The following ANKS1B variants were observed in gnomAD, a reference collection of about 807,000 sequenced individuals.
ANKS1B encodes the protein ankyrin repeat and sterile alpha motif domain containing 1B.
Under a neutral mutation model 148.3 loss-of-function variants are expected in ANKS1B, and 36 were observed. The ratio of observed to expected loss-of-function variants is 0.24; its 90% confidence interval spans 0.19 to 0.32. The LOEUF is 0.32. Among genes scored for constraint, ANKS1B ranks in the 10% least tolerant of loss-of-function variants. The probability of loss-of-function intolerance (pLI) is 1.00; values close to 1 mark genes in which losing one functional copy is unlikely to be tolerated. For missense variants in ANKS1B, 1,157 were observed against 1,542.6 expected (o/e 0.75, Z 4.19); for synonymous variants, 542 against 560.8 (o/e 0.97, Z 0.47).
chr12:99,428,825 G>C (rs192410104), intron 11 of ANKS1B, among the ~76,000 whole-genome samples: 97 of 152,220 alleles, frequency 6.4e-4, no homozygotes, highest in Admixed American at 1.3e-3. Context: ...AGAAATAGCT[G>C]ATTCCACATC....
chr12:98,943,056 G>A lies in ANKS1B; in HGVS notation c.2778+110101C>T, dbSNP rs113772441. On this transcript the variant is annotated intron_variant, in intron 17 of 26. Transcript: ENST00000683438. Reference sequence around the variant, plus strand: ...AATAAGAATCTGCCTACGTGTGAAAGGCAAATACAATTCCTGTTTCCTTTA... The same window carrying A: ...AATAAGAATCTGCCTACGTGTGAAAAGCAAATACAATTCCTGTTTCCTTTA... 6.2e-3 allele frequency among the ~76,000 whole-genome samples: 950 copies of A among 152,316 alleles called. 8 individuals are homozygous for A. Among genetic ancestry groups the A allele is most frequent in the East Asian group, 0.048 (251 of 5,178 alleles).
At chr12:98,909,713 A>T (rs2099784157) in intron 17 of ANKS1B, among the ~76,000 whole-genome samples, 1 of 152,220 alleles carries the variant, frequency 6.6e-6, no homozygotes, top group Non-Finnish European at 1.5e-5. Context: ...TGCTGATATT[A>T]GTCATTGTAC....
chr12:99,154,918 T>C, intron 14 of ANKS1B: 1 of 1,534,036 alleles, frequency 6.5e-7, no homozygotes, highest in Non-Finnish European at 8.7e-7. Context: ...ATAAGGCAGA[T>C]TTTTTTTGTC....
chr12:99,291,937 G>T (rs1015378634), intron 12 of ANKS1B, among the ~76,000 whole-genome samples: 1 of 152,176 alleles, frequency 6.6e-6, no homozygotes, highest in Non-Finnish European at 1.5e-5. Context: ...ATGGTGCTGG[G>T]AAAACTGGCT....
At chr12:99,726,449 A>T (rs2153561469) in intron 8 of ANKS1B, among the ~76,000 whole-genome samples, 1 of 152,300 alleles carries the variant, frequency 6.6e-6, no homozygotes, top group Admixed American at 6.5e-5. Flanking sequence ...AGTCGAATCC[A>T]TAAATAGACC....
chr12:99,773,143 G>A, intron 7 of ANKS1B, 55 bp from the exon 8 acceptor site: 1 of 1,453,360 alleles, frequency 6.9e-7, no homozygotes, highest in Non-Finnish European at 9.3e-7. Context: ...AAAACTTAAT[G>A]TTAAGCAATA....
chr12:99,933,318 AG>A lies in ANKS1B; in HGVS notation c.134+50785del, dbSNP rs1458255780. Among the ~76,000 whole-genome samples the A allele has an allele frequency of 4.6e-5, 7 of 152,264 alleles. No individual in the cohort carries two copies. The East Asian group carries it at 1.4e-3, about 29-fold the overall frequency. ...TGAAGAATATCACTGGTATTTTGAT[AG>A]GGATTACATTGAATCTGTAGACTGC... On this transcript the variant is annotated intron_variant, in intron 1 of 26. Coordinates refer to ENST00000683438, the MANE Select transcript of ANKS1B (RefSeq NM_001352186.2).
intron 1 of ANKS1B, among the ~76,000 whole-genome samples, chr12:99,862,789 G>A (rs1343682664): frequency 6.6e-6 from 1 of 152,030 alleles, no homozygotes; most frequent in African/African-American, 2.4e-5. Flanking sequence ...CACTTTTACT[G>A]CGAGCAGTAA....
intron 9 of ANKS1B, among the ~76,000 whole-genome samples, chr12:99,630,874 T>G (rs1384778958): frequency 6.6e-6 from 1 of 152,200 alleles, no homozygotes; most frequent in Non-Finnish European, 1.5e-5. Context: ...AAATCTCATC[T>G]TGAATTGTAG....
intron 9 of ANKS1B, among the ~76,000 whole-genome samples, chr12:99,530,621 C>G (rs926049107): frequency 6.6e-6 from 1 of 151,926 alleles, no homozygotes; most frequent in Non-Finnish European, 1.5e-5. Context: ...CACAACAAAA[C>G]TTATGCAAAT....
rs1225709351 is a variant in ANKS1B, at chr12:99,666,135, GGTTT to G, written c.1129-10929_1129-10926del. On this transcript the variant is annotated intron_variant, in intron 8 of 26. Transcript: ENST00000683438. The stretch of plus-strand genomic sequence containing the variant: ...AAAATCAATTGACCATACGTGTATG[GGTTT>G]ATTTCTGAATTCTACTTTGTTCTAT... 7.9e-5 allele frequency among the ~76,000 whole-genome samples: 12 copies of G among 152,118 alleles called. No homozygotes were observed. The South Asian group carries it at 1.7e-3, about 21-fold the overall frequency.
intron 14 of ANKS1B, among the ~76,000 whole-genome samples, chr12:99,229,585 A>G (rs1386861489): frequency 6.6e-6 from 1 of 151,976 alleles, no homozygotes; most frequent in African/African-American, 2.4e-5. Context: ...ACAGATACAA[A>G]GTTTTTCTCA....
chr12:99,801,475 A>G lies in ANKS1B; in HGVS notation c.669+4929T>C, dbSNP rs567014953. On this transcript the variant is annotated intron_variant, in intron 4 of 26. Transcript: ENST00000683438. ...GCAGGAATTGACTGTTGGATCTAAA[A>G]GTATGTCAGTCATTAGACAACTTGA... Among the ~76,000 whole-genome samples, 8 of 152,342 alleles carry G rather than the reference A, an allele frequency of 5.3e-5. 1 individual carries two copies. The highest frequency in any genetic ancestry group is 1.9e-4 in the African/African-American group (8 of 41,592).
chr12:99,660,357 CTTTT>C (rs919390761), intron 8 of ANKS1B, among the ~76,000 whole-genome samples: 3 of 126,376 alleles, frequency 2.4e-5, no homozygotes, highest in Admixed American at 8.6e-5. Context: ...CTTTCTTTTT[CTTTT>C]TCTTTTTTTT....
At chr12:99,615,204 C>CAGACAGAT (rs2097943922) in intron 9 of ANKS1B, among the ~76,000 whole-genome samples, 1 of 151,912 alleles carries the variant, frequency 6.6e-6, no homozygotes, top group Non-Finnish European at 1.5e-5. Flanking sequence ...GACAGACAGA[C>CAGACAGAT]AGATACACAC....
chr12:98,909,706 T>C (rs1388171192), intron 17 of ANKS1B, among the ~76,000 whole-genome samples: 1 of 152,212 alleles, frequency 6.6e-6, no homozygotes, highest in Non-Finnish European at 1.5e-5. Flanking sequence ...AGGGTCATGC[T>C]GATATTAGTC....
chr12:99,373,184 A>C (rs1209290643), intron 12 of ANKS1B, among the ~76,000 whole-genome samples: 1 of 152,186 alleles, frequency 6.6e-6, no homozygotes, highest in Non-Finnish European at 1.5e-5. Flanking sequence ...CTAGTGAGAA[A>C]TAAGAGGAAC....
chr12:99,629,209 A>G (rs1296627845), intron 9 of ANKS1B, among the ~76,000 whole-genome samples: 2 of 152,060 alleles, frequency 1.3e-5, no homozygotes, highest in African/African-American at 4.8e-5. Context: ...CCATCCATTC[A>G]CTCAGCAAGT....
chr12:99,067,019 C>T (rs1365626241), intron 16 of ANKS1B, among the ~76,000 whole-genome samples: 1 of 152,174 alleles, frequency 6.6e-6, no homozygotes, highest in Non-Finnish European at 1.5e-5. Context: ...AGATGAGTAT[C>T]AGAGAGAATG....
Sources: gnomAD v4.1 joint callset for allele counts (sites outside exome capture counted in the v4.1 genomes callset) on GRCh38, gnomAD v4.1.1 for gene constraint, MANE v1.5 for transcripts, NCBI Gene and HGNC (gene_info 2026-07-23, HGNC 2026-07-21) for gene names.